Variants in CNBD2 observed in about 807,000 individuals in gnomAD.
CNBD2 encodes the protein cyclic nucleotide binding domain containing 2.
Under a neutral mutation model 63.7 loss-of-function variants are expected in CNBD2, and 64 were observed. The observed-to-expected ratio is 1.00, with a 90% confidence interval of 0.82 to 1.24. The LOEUF (loss-of-function observed/expected upper bound fraction) is 1.24. Ranked by LOEUF, CNBD2 falls within the 50% of genes most tolerant of loss-of-function variation. The pLI is 0.00. For synonymous variants in CNBD2, 229 were observed against 255.4 expected, an observed-to-expected ratio of 0.90 and a Z score of 0.99; for missense variants, 691 against 713.5, an observed-to-expected ratio of 0.97 and a Z score of 0.36.
chr20:36,016,782 C>G (rs1157063975), intron 10 of CNBD2, among the ~76,000 whole-genome samples: 2 of 142,508 alleles, frequency 1.4e-5, no homozygotes, highest in Non-Finnish European at 3.0e-5. Context: ...GAGTAAGACT[C>G]TGTCTCAAAA....
At chr20:36,019,906 C>T (rs763165773) in intron 10 of CNBD2, among the ~76,000 whole-genome samples, 14 of 152,148 alleles carry the variant, frequency 9.2e-5, no homozygotes, top group Non-Finnish European at 1.3e-4. Flanking sequence ...ATCCCTGGTT[C>T]AAGGTTGGGC....
chr20:36,002,886 T>C (rs1189767947), intron 8 of CNBD2, among the ~76,000 whole-genome samples: 1 of 152,136 alleles, frequency 6.6e-6, no homozygotes, highest in African/African-American at 2.4e-5. Context: ...ACATGTATAT[T>C]GGATTGCTTA....
chr20:35,969,171 A>G (rs1344658320), intron 1 of CNBD2, among the ~76,000 whole-genome samples: 1 of 152,210 alleles, frequency 6.6e-6, no homozygotes, highest in East Asian at 1.9e-4. Flanking sequence ...CCTATCACCT[A>G]TTAGTCATGT....
At chr20:36,008,665 G>A (rs1008266316) in intron 9 of CNBD2, among the ~76,000 whole-genome samples, 191 bp downstream of exon 9, 4 of 152,192 alleles carry the variant, frequency 2.6e-5, no homozygotes, top group Admixed American at 2.6e-4. Flanking sequence ...TTCTCCACCT[G>A]TAACTCACAA....
intron 11 of CNBD2, among the ~76,000 whole-genome samples, chr20:36,027,372 G>A (rs1406480596): frequency 6.6e-6 from 1 of 152,156 alleles, no homozygotes; most frequent in Non-Finnish European, 1.5e-5. Context: ...ATGACCTTGA[G>A]CAGTGTGAGG....
At chr20:36,011,504 G>T (rs2057061356) in intron 10 of CNBD2, among the ~76,000 whole-genome samples, 1 of 152,104 alleles carries the variant, frequency 6.6e-6, no homozygotes, top group South Asian at 2.1e-4. Context: ...GACCAACATG[G>T]TGAAACCCTG....
intron 1 of CNBD2, 84 bp downstream of exon 1, chr20:35,968,897 A>T: frequency 9.3e-7 from 1 of 1,078,224 alleles, no homozygotes; most frequent in Non-Finnish European, 1.4e-6. Context: ...CAGGTGTAGG[A>T]GGGGTCTTGG....
intron 11 of CNBD2, among the ~76,000 whole-genome samples, chr20:36,028,235 G>T (rs2057303908): frequency 1.3e-5 from 2 of 152,036 alleles, no homozygotes; most frequent in Admixed American, 6.6e-5. Flanking sequence ...ATTCATAAAA[G>T]GTTTACATAG....
chr20:36,005,092 T>G (rs1356173737), intron 8 of CNBD2, among the ~76,000 whole-genome samples: 1 of 152,226 alleles, frequency 6.6e-6, no homozygotes, highest in Non-Finnish European at 1.5e-5. Flanking sequence ...CTGTGGCAGA[T>G]TTCCTGGTGT....
At chr20:35,987,322 C>T in intron 6 of CNBD2, 73 bp from the exon 7 acceptor site, 3 of 1,531,018 alleles carry the variant, frequency 2.0e-6, no homozygotes, top group Non-Finnish European at 2.7e-6. Flanking sequence ...AGAGTATGTG[C>T]CCTCTGCAGA....
chr20:35,984,384 C>T (rs942343284), intron 5 of CNBD2, among the ~76,000 whole-genome samples: 2 of 152,230 alleles, frequency 1.3e-5, no homozygotes, highest in South Asian at 2.1e-4. Flanking sequence ...AGTGAGGCCT[C>T]TCCAGCTTCC....
downstream of CNBD2, among the ~76,000 whole-genome samples, chr20:35,960,179 A>G (rs2056295122): frequency 6.6e-6 from 1 of 152,208 alleles, no homozygotes; most frequent in African/African-American, 2.4e-5. Flanking sequence ...TTCTTTCTAT[A>G]GACATGTGTT....
At chr20:36,010,953 C>T (rs139388952) in intron 9 of CNBD2, among the ~76,000 whole-genome samples, 184 bp from the exon 10 acceptor site, 1,679 of 152,188 alleles carry the variant, frequency 0.011, 18 homozygotes, top group South Asian at 0.017. Flanking sequence ...TCTCCTCTTT[C>T]GCACCCTCCA....
intron 10 of CNBD2, among the ~76,000 whole-genome samples, chr20:36,021,897 G>A (rs2057213695): frequency 6.6e-6 from 1 of 151,860 alleles, no homozygotes; most frequent in African/African-American, 2.4e-5. Flanking sequence ...AGGAGGACCT[G>A]TGGCCACCGA....
chr20:36,013,224 C>G (rs749525092), intron 10 of CNBD2, among the ~76,000 whole-genome samples: 2 of 152,014 alleles, frequency 1.3e-5, no homozygotes, highest in African/African-American at 2.4e-5. Flanking sequence ...TGAGACCATC[C>G]TGGCTAACAT....
chr20:36,030,620 G>A lies in CNBD2; in HGVS notation c.1703G>A (p.Arg568Gln), dbSNP rs199880459. Residue 568 changes from arginine (R) to glutamine (Q), a missense_variant, in exon 12 of 12, where the codon CGG becomes CAG. Transcript: ENST00000373973. ...LRIVQAIKAP[R>Q]YKIRELLA The stretch of plus-strand genomic sequence containing the variant: ...ATTGTCCAAGCCATCAAAGCACCTC[G>A]GTACAAAATCCGAGAACTCTTGGCT... 1.6e-5 allele frequency: 26 copies of A among 1,613,988 alleles called. No homozygotes were observed. The highest frequency in any genetic ancestry group is 2.7e-5 in the African/African-American group (2 of 74,876).
intron 10 of CNBD2, among the ~76,000 whole-genome samples, chr20:36,013,141 A>G (rs1350981701): frequency 6.6e-6 from 1 of 152,184 alleles, no homozygotes; most frequent in Non-Finnish European, 1.5e-5. Context: ...AAAATCAGCC[A>G]GGCATAGTGG....
At chr20:35,955,837 C>T (rs142450927), downstream of CNBD2, among the ~76,000 whole-genome samples, 2,319 of 152,126 alleles carry the variant, frequency 0.015, 25 homozygotes, top group Middle Eastern at 0.041. Flanking sequence ...CTCCTCCCTC[C>T]GCCTCCCGAG....
chr20:35,958,902 T>A (rs1222599111), downstream of CNBD2: 1 of 152,250 alleles, frequency 6.6e-6, no homozygotes, highest in East Asian at 1.9e-4. Context: ...CTTGGCTCTT[T>A]CCACTTGGCA....
Sources: allele counts gnomAD v4.1 joint callset (sites outside exome capture counted in the v4.1 genomes callset), GRCh38; gene constraint gnomAD v4.1.1; transcripts MANE v1.5; gene names NCBI Gene and HGNC (gene_info 2026-07-23, HGNC 2026-07-21).